Variants in TRDMT1 observed in about 807,000 individuals in gnomAD.
TRDMT1 encodes tRNA (cytosine(38)-C(5))-methyltransferase.
A neutral mutation model predicts 51.2 loss-of-function variants in TRDMT1; 49 were observed. The observed-to-expected ratio is 0.96, with a 90% confidence interval of 0.76 to 1.21. The LOEUF is 1.21. Among genes scored for constraint, TRDMT1 ranks in the 50% most tolerant of loss-of-function variants. The probability of loss-of-function intolerance (pLI) is 0.00; values close to 1 mark genes in which losing one functional copy is unlikely to be tolerated. For synonymous variants in TRDMT1, 187 were observed against 164.6 expected (o/e 1.14, Z -1.04); for missense variants, 534 against 462.3 (o/e 1.16, Z -1.42).
At chr10:17,159,540 A>G (rs1406879091) in intron 6 of TRDMT1, among the ~76,000 whole-genome samples, 3 of 152,142 alleles carry the variant, frequency 2.0e-5, no homozygotes, top group African/African-American at 4.8e-5. Context: ...TTGATAATAT[A>G]TTAATAATTT....
chr10:17,201,481 T>TCGCCCCTA, intron 1 of TRDMT1, 90 bp downstream of exon 1: 3 of 1,373,258 alleles, frequency 2.2e-6, no homozygotes, highest in South Asian at 1.3e-5. Context: ...GTCCGCCCCT[T>TCGCCCCTA]GCGTCTCGCC....
At chr10:17,171,110 G>GGTGTGTGT (rs1564302038) in intron 2 of TRDMT1, among the ~76,000 whole-genome samples, 3 of 82,764 alleles carry the variant, frequency 3.6e-5, no homozygotes, top group African/African-American at 1.3e-4. Context: ...ACTGGATTTA[G>GGTGTGTGT]ATGTGTGTGT....
At chr10:17,157,381 C>A (rs1839669252) in intron 8 of TRDMT1, 60 bp downstream of exon 8, 3 of 1,416,210 alleles carry the variant, frequency 2.1e-6, no homozygotes, top group Admixed American at 4.8e-5. Flanking sequence ...CTTAAAGAAA[C>A]AATAGCTTTA....
chr10:17,181,096 C>G (rs1242687068), intron 1 of TRDMT1, among the ~76,000 whole-genome samples: 1 of 151,398 alleles, frequency 6.6e-6, no homozygotes, highest in Non-Finnish European at 1.5e-5. Context: ...GGCAATGCAC[C>G]CTGCTAAAAG....
intron 1 of TRDMT1, among the ~76,000 whole-genome samples, chr10:17,199,583 G>A (rs1002107236): frequency 5.9e-5 from 9 of 152,306 alleles, no homozygotes; most frequent in South Asian, 2.1e-4. Context: ...GATGCTGAAG[G>A]GAGAGTGGCA....
At chr10:17,187,107 G>A (rs901359179) in intron 1 of TRDMT1, among the ~76,000 whole-genome samples, 2 of 152,052 alleles carry the variant, frequency 1.3e-5, no homozygotes, top group East Asian at 3.8e-4. Context: ...TCTGGAAAAA[G>A]GAACATGACT....
At chr10:17,157,879 T>G (rs1564568403) in intron 7 of TRDMT1, 95 bp from the exon 8 acceptor site, 1 of 893,616 alleles carries the variant, frequency 1.1e-6, no homozygotes, top group Non-Finnish European at 1.7e-6. Context: ...ACAACCTCAT[T>G]AGCCTTTATG....
At position 17,168,935 on chromosome 10, in the gene TRDMT1, A is replaced by AG. The variant is rs765132883; in HGVS notation, c.175-19dup. Reference sequence around the variant, plus strand: ...GTAATGCCCTGAGGAATGAACATTTAGGGGGAAAAAAGAACATAAAAACAT... The same window carrying AG: ...GTAATGCCCTGAGGAATGAACATTTAGGGGGGAAAAAAGAACATAAAAACAT... On this transcript the variant is annotated intron_variant, in intron 2 of 10. Transcript: ENST00000377799. 2.6e-6 allele frequency: 4 copies of AG among 1,549,144 alleles called. No homozygotes were observed. Among genetic ancestry groups the AG allele is most frequent in the Admixed American group, 1.8e-5 (1 of 54,260 alleles).
chr10:17,169,490 G>C (rs745639779), intron 2 of TRDMT1: 1 of 1,289,784 alleles, frequency 7.8e-7, no homozygotes, highest in South Asian at 1.2e-5. Flanking sequence ...TGCATCAAAA[G>C]AATTCCTAAT....
chr10:17,195,442 G>A (rs566934255), intron 1 of TRDMT1, among the ~76,000 whole-genome samples: 48 of 152,084 alleles, frequency 3.2e-4, no homozygotes, highest in Non-Finnish European at 5.3e-4. Flanking sequence ...AATAGACACC[G>A]GGGACTACTA....
At chr10:17,156,088 T>C (rs1271564489) in intron 8 of TRDMT1, among the ~76,000 whole-genome samples, 1 of 152,166 alleles carries the variant, frequency 6.6e-6, no homozygotes, top group African/African-American at 2.4e-5. Flanking sequence ...TCTGGTATGG[T>C]TCTACTGGGG....
intron 1 of TRDMT1, among the ~76,000 whole-genome samples, chr10:17,179,234 C>T (rs958888927): frequency 6.6e-6 from 1 of 152,162 alleles, no homozygotes; most frequent in Non-Finnish European, 1.5e-5. Context: ...GCTAATACAG[C>T]TTCTCCAGCC....
rs115242385 is a variant in TRDMT1, at chr10:17,185,262, G to A, written c.65-10602C>T. On this transcript the variant is annotated intron_variant, in intron 1 of 10. Coordinates refer to ENST00000377799, the MANE Select transcript of TRDMT1 (RefSeq NM_004412.7). The stretch of plus-strand genomic sequence containing the variant: ...AAGGACCAGGTGTGATTTAAAAATC[G>A]TCAGTGCGGCACTTCTCAAAAGAAG... 8.2e-3 allele frequency among the ~76,000 whole-genome samples: 1,241 copies of A among 152,216 alleles called. 25 individuals carry two copies. Among genetic ancestry groups the A allele is most frequent in the African/African-American group, 0.028 (1,173 of 41,518 alleles).
At chr10:17,198,715 G>A (rs543705441) in intron 1 of TRDMT1, among the ~76,000 whole-genome samples, 2 of 152,258 alleles carry the variant, frequency 1.3e-5, no homozygotes, top group South Asian at 4.1e-4. Flanking sequence ...TTTTAGAAAT[G>A]AACAAGGGTG....
At chr10:17,161,585 C>A in intron 4 of TRDMT1, 37 bp from the exon 5 acceptor site, 1 of 1,063,158 alleles carries the variant, frequency 9.4e-7, no homozygotes, top group South Asian at 1.8e-5. Context: ...CTAAATATCT[C>A]ATTACTAAGA....
Position 17,143,152 on chromosome 10 carries a change from A to G in TRDMT1, c.*5888T>C. On this transcript the variant is annotated 3_prime_UTR_variant, in exon 11 of 11. Coordinates refer to ENST00000377799, the MANE Select transcript of TRDMT1 (RefSeq NM_004412.7). ...TAAATAGTTTTCAAGAGAACAACTT[A>G]AAGACATTGTTTGAACTCCACAGTG... is the stretch of plus-strand genomic sequence containing the variant. The G allele has an allele frequency of 1.0e-5, 10 of 985,450 alleles. No individual in the cohort carries two copies. Among genetic ancestry groups the G allele is most frequent in the Non-Finnish European group, 1.2e-5 (10 of 829,944 alleles). 61.0% of individuals were successfully genotyped at this position (985,450 alleles called of 1,614,324 possible).
Position 17,171,520 on chromosome 10 carries a change from T to G in TRDMT1, c.175-2603A>C, listed in dbSNP as rs1842017233. On this transcript the variant is annotated intron_variant, in intron 2 of 10. Coordinates refer to ENST00000377799, the MANE Select transcript of TRDMT1 (RefSeq NM_004412.7). ...ACACCACTGTAAGTGAGTGAAGGCTTAACTCTTTTGTTTTTGGCTTGTGGC... is the reference window on the plus strand; with the variant it reads ...ACACCACTGTAAGTGAGTGAAGGCTGAACTCTTTTGTTTTTGGCTTGTGGC... 2.6e-5 allele frequency: 4 copies of G among 152,246 alleles called. No individual in the cohort carries two copies. In the South Asian group the frequency reaches 8.3e-4, roughly 32 times the overall value. The allele number at this position is 152,246 out of a possible 1,614,324, so 9.4% of individuals were successfully genotyped here.
Position 17,153,638 on chromosome 10 carries a change from T to A in TRDMT1, c.946-2A>T. The stretch of plus-strand genomic sequence containing the variant: ...AAGGGATTTGTAGATATTCTCAACC[T>A]GTAAGAAAATACCCAAGATAACTAA... On this transcript the variant is annotated splice_acceptor_variant, in intron 9 of 10. Transcript: ENST00000377799. LOFTEE classifies it high-confidence loss of function. 1 of 1,566,310 alleles carries A rather than the reference T, an allele frequency of 6.4e-7. No individual in the cohort carries two copies. Among genetic ancestry groups the A allele is most frequent in the Non-Finnish European group, 8.6e-7 (1 of 1,157,628 alleles).
Position 17,139,841 on chromosome 10 carries a change from G to A in TRDMT1, c.*9199C>T, listed in dbSNP as rs552163391. 9.9e-5 allele frequency among the ~76,000 whole-genome samples: 15 copies of A among 151,954 alleles called. No homozygotes were observed. The highest frequency in any genetic ancestry group is 1.9e-4 in the Non-Finnish European group (13 of 68,004). Reference sequence around the variant, plus strand: ...CCTCACTTCTGTCTTTTTCAATGCCGTTATTCTAAGATCTATAAAAAACAA... The same window carrying A: ...CCTCACTTCTGTCTTTTTCAATGCCATTATTCTAAGATCTATAAAAAACAA... On this transcript the variant is annotated 3_prime_UTR_variant, in exon 11 of 11. Coordinates refer to ENST00000377799, the MANE Select transcript of TRDMT1 (RefSeq NM_004412.7).
Sources: allele counts gnomAD v4.1 joint callset (sites outside exome capture counted in the v4.1 genomes callset), GRCh38; gene constraint gnomAD v4.1.1; transcripts MANE v1.5; gene names NCBI Gene and HGNC (gene_info 2026-07-23, HGNC 2026-07-21).